Variants in C1orf167 observed in about 807,000 individuals in gnomAD.
C1orf167 encodes the protein chromosome 1 open reading frame 167.
A neutral mutation model predicts 176.5 loss-of-function variants in C1orf167; 153 were observed. The ratio of observed to expected loss-of-function variants is 0.87; its 90% CI spans 0.76 to 0.99. C1orf167 has a LOEUF of 0.99. Ranked by LOEUF, C1orf167 falls within the 50% of genes least tolerant of loss-of-function variation. The probability of loss-of-function intolerance (pLI) is 0.00; values close to 1 mark genes in which losing one functional copy is unlikely to be tolerated. For synonymous variants in C1orf167, 594 were observed against 752.7 expected, an observed-to-expected ratio of 0.79 and a Z score of 3.45; for missense variants, 1,490 against 1,817.7, an observed-to-expected ratio of 0.82 and a Z score of 3.28.
chr1:11,775,352 G>C, intron 8 of C1orf167, 83 bp from the exon 9 acceptor site: 3 of 1,088,926 alleles, frequency 2.8e-6, no homozygotes, highest in Non-Finnish European at 3.6e-6. Flanking sequence ...GGCCTGGGTA[G>C]TGTGTCTGGC....
chr1:11,788,462 T>A, intron 19 of C1orf167, 84 bp downstream of exon 19: 1 of 1,201,110 alleles, frequency 8.3e-7, no homozygotes, highest in Non-Finnish European at 1.1e-6. Flanking sequence ...AGTATGGCCC[T>A]TGGACCTACT....
chr1:11,766,206 G>A lies in C1orf167; in HGVS notation c.420G>A (p.Gly140=). The A allele has an allele frequency of 7.8e-7, 1 of 1,289,708 alleles. No individual in the cohort carries two copies. The highest frequency in any genetic ancestry group is 1.0e-6 in the Non-Finnish European group (1 of 988,794). The allele number at this position is 1,289,708 out of a possible 1,614,324, so 79.9% of individuals were successfully genotyped here. The change falls in exon 3 of 21, where the codon GGG becomes GGA. Residue 140 remains glycine, a synonymous_variant. Coordinates refer to ENST00000688073, the MANE Select transcript of C1orf167 (RefSeq NM_001010881.2). This position sits in a 1 kb window ranked among gnomAD's most constrained non-coding sequence, Gnocchi z 4.5. ...TSSPHLCPEP[G]GSSGPHKLPW... ...GCCCCCACCTCTGCCCAGAGCCTGG[G>A]GGAAGCTCTGGGCCCCACAAGCTTC...
At position 11,771,387 on chromosome 1, in the gene C1orf167, C is replaced by T. The variant is rs150882458; in HGVS notation, c.1698-137C>T. On this transcript the variant is annotated intron_variant, in intron 6 of 20. Coordinates refer to ENST00000688073, the MANE Select transcript of C1orf167 (RefSeq NM_001010881.2). ...TTAAATCCGACATAAAATAAACTGT[C>T]CAGAAGAGGGTAGGGGGACTCAGCG... 1,214 of 367,508 alleles carry T rather than the reference C, an allele frequency of 3.3e-3. 18 individuals are homozygous for T. The highest frequency in any genetic ancestry group is 0.024 in the African/African-American group (1,142 of 47,466). 22.8% of individuals were successfully genotyped at this position (367,508 alleles called of 1,614,324 possible). A position where few individuals can be genotyped will look rare whatever the true frequency, so the allele number is the denominator to read the frequency against.
At position 11,781,079 on chromosome 1, in the gene C1orf167, C is replaced by T. The variant is rs367933409; in HGVS notation, c.2860+1069C>T. 6.1e-5 allele frequency among the ~76,000 whole-genome samples: 9 copies of T among 147,630 alleles called. No homozygotes were observed. The East Asian group carries it at 1.8e-3, about 30-fold the overall frequency. On this transcript the variant is annotated intron_variant, in intron 13 of 20. Transcript: ENST00000688073. ...GTGGTGCGATCTTGGCTCACTGCAACCTCCACCCCCTGGGTTCAAGCAATT... is the reference window on the plus strand; with the variant it reads ...GTGGTGCGATCTTGGCTCACTGCAATCTCCACCCCCTGGGTTCAAGCAATT...
chr1:11,780,541 C>T (rs1643546960), intron 13 of C1orf167, among the ~76,000 whole-genome samples: 1 of 152,194 alleles, frequency 6.6e-6, no homozygotes, highest in South Asian at 2.1e-4. Context: ...TCTTCCATAC[C>T]CTGACTGTGT....
chr1:11,784,737 C>A, intron 15 of C1orf167, 144 bp downstream of exon 15: 1 of 952,312 alleles, frequency 1.1e-6, no homozygotes, highest in Non-Finnish European at 1.4e-6. Flanking sequence ...AGGGAGAGGC[C>A]GCCCTGGCCA....
chr1:11,774,715 C>T (rs1643230706), intron 8 of C1orf167, among the ~76,000 whole-genome samples: 1 of 152,170 alleles, frequency 6.6e-6, no homozygotes, highest in African/African-American at 2.4e-5. Flanking sequence ...GGGACCAGAT[C>T]AGCACCTGGT....
intron 8 of C1orf167, among the ~76,000 whole-genome samples, chr1:11,774,389 G>C (rs1023413827): frequency 6.6e-6 from 1 of 152,034 alleles, no homozygotes; most frequent in Non-Finnish European, 1.5e-5. Context: ...TCATTTTTTT[G>C]ATTGCACGTT....
intron 12 of C1orf167, 117 bp downstream of exon 12, chr1:11,779,197 C>A: frequency 4.0e-6 from 4 of 989,662 alleles, no homozygotes; most frequent in Non-Finnish European, 5.2e-6. Context: ...CCTCAGGGGG[C>A]TTCAGTTCCT....
At chr1:11,769,244 G>A in intron 6 of C1orf167, 117 bp downstream of exon 6, 1 of 844,444 alleles carries the variant, frequency 1.2e-6, no homozygotes, top group Non-Finnish European at 1.4e-6. Flanking sequence ...TGTGGGCAAA[G>A]ATTTATGCAA....
intron 1 of C1orf167, 45 bp from the exon 2 acceptor site, chr1:11,764,286 G>C (rs1168659323): frequency 1.3e-6 from 1 of 743,456 alleles, no homozygotes; most frequent in South Asian, 1.4e-5. Context: ...ATCAGAATGG[G>C]GTGGGGTTGA....
intron 14 of C1orf167, 46 bp downstream of exon 14, chr1:11,782,379 G>A (rs959337262): frequency 2.2e-5 from 26 of 1,181,248 alleles, no homozygotes; most frequent in Non-Finnish European, 2.8e-5. Flanking sequence ...CCCCACGCAA[G>A]GAATAGCAAG....
intron 6 of C1orf167, among the ~76,000 whole-genome samples, chr1:11,770,985 T>C (rs1279511714): frequency 1.3e-4 from 10 of 79,536 alleles, no homozygotes; most frequent in African/African-American, 3.6e-4. Context: ...TGTGTGTGTG[T>C]GTGTGTGTGT....
chr1:11,788,549 C>G (rs944433478), intron 19 of C1orf167, 103 bp from the exon 20 acceptor site: 1 of 1,144,216 alleles, frequency 8.7e-7, no homozygotes, highest in Admixed American at 2.3e-5. Flanking sequence ...TTGCCATAGC[C>G]CTTTCACTCT....
At chr1:11,783,080 A>G (rs116211094) in intron 14 of C1orf167, among the ~76,000 whole-genome samples, 2,017 of 152,206 alleles carry the variant, frequency 0.013, 36 homozygotes, top group African/African-American at 0.046. Flanking sequence ...ACATGTATAC[A>G]GTTCATGAAT....
Position 11,766,214 on chromosome 1 carries a change from C to T in C1orf167, c.428C>T (p.Ser143Phe), listed in dbSNP as rs1411495906. Reference protein sequence around the residue: ...PHLCPEPGGSSGPHKLPWGPL... With the variant: ...PHLCPEPGGSFGPHKLPWGPL... ...CTCTGCCCAGAGCCTGGGGGAAGCT[C>T]TGGGCCCCACAAGCTTCCCTGGGGT... is the stretch of plus-strand genomic sequence containing the variant. Residue 143 changes from serine (S) to phenylalanine (F), a missense_variant, in exon 3 of 21, where the codon TCT becomes TTT. Ser to Phe is a radical substitution (Grantham distance 155). Transcript: ENST00000688073. This position sits in a 1 kb window ranked among gnomAD's most constrained non-coding sequence, Gnocchi z 4.5. 1.2e-5 allele frequency: 16 copies of T among 1,289,760 alleles called. No individual in the cohort carries two copies. The African/African-American group carries it at 2.3e-4, about 18-fold the overall frequency. The allele number at this position is 1,289,760 out of a possible 1,614,324, so 79.9% of individuals were successfully genotyped here. A position where few individuals can be genotyped will look rare whatever the true frequency, so the allele number is the denominator to read the frequency against.
intron 1 of C1orf167, among the ~76,000 whole-genome samples, chr1:11,764,010 A>G (rs1250798006): frequency 6.6e-6 from 1 of 152,186 alleles, no homozygotes; most frequent in Non-Finnish European, 1.5e-5. Flanking sequence ...TTTTGGACAT[A>G]TTAATGCTGA....
Position 11,778,833 on chromosome 1 carries a change from T to C in C1orf167, c.2496+17T>C, listed in dbSNP as rs111728910. ...CTGGAGAAGGTGAGAGGTAGGAGGG[T>C]GGGGAGGGGCTGGGGCAGGTAGGGG... On this transcript the variant is annotated intron_variant, in intron 11 of 20. Coordinates refer to ENST00000688073, the MANE Select transcript of C1orf167 (RefSeq NM_001010881.2). 25 of 938,872 alleles carry C rather than the reference T, an allele frequency of 2.7e-5. No homozygotes were observed. In the African/African-American group the frequency reaches 3.8e-4, roughly 14 times the overall value. The allele number at this position is 938,872 out of a possible 1,614,324, so 58.2% of individuals were successfully genotyped here. A position where few individuals can be genotyped will look rare whatever the true frequency, so the allele number is the denominator to read the frequency against.
At chr1:11,777,101 T>C (rs1267547787) in intron 10 of C1orf167, 2 of 152,842 alleles carry the variant, frequency 1.3e-5, no homozygotes, top group African/African-American at 4.8e-5. Flanking sequence ...TTTTATCTCC[T>C]CTCCCATTGG....
Sources: gnomAD v4.1 joint callset for allele counts (sites outside exome capture counted in the v4.1 genomes callset) on GRCh38, gnomAD v4.1.1 for gene constraint, Gnocchi (gnomAD v3.1) non-coding constraint, MANE v1.5 for transcripts, NCBI Gene and HGNC (gene_info 2026-07-23, HGNC 2026-07-21) for gene names.